The following MGMT variants were observed in gnomAD, a reference collection of about 807,000 sequenced individuals.
MGMT encodes methylated-DNA--protein-cysteine methyltransferase.
In MGMT, 14 loss-of-function variants were observed where a neutral mutation model predicts 15.9. That is an observed-to-expected ratio of 0.88 (90% CI 0.58 to 1.37). MGMT has a LOEUF of 1.37. Ranked by LOEUF, MGMT falls within the 40% of genes most tolerant of loss-of-function variation. The pLI, the probability that MGMT is intolerant of heterozygous loss-of-function variation, is 0.00. For synonymous variants in MGMT, 130 were observed against 118.2 expected, an observed-to-expected ratio of 1.10 and a Z score of -0.65; for missense variants, 282 against 268.1, an observed-to-expected ratio of 1.05 and a Z score of -0.36.
At chr10:129,644,560 C>T (rs763173011) in intron 2 of MGMT, among the ~76,000 whole-genome samples, 2 of 152,198 alleles carry the variant, frequency 1.3e-5, no homozygotes, top group Non-Finnish European at 2.9e-5. Context: ...GGGTTCCCCC[C>T]CTGAGGCCTG....
chr10:129,666,349 A>G (rs78149362), intron 2 of MGMT, among the ~76,000 whole-genome samples: 2,233 of 152,248 alleles, frequency 0.015, 54 homozygotes, highest in African/African-American at 0.048. Context: ...TGGGATCACA[A>G]TGAATTTCTG....
chr10:129,740,009 C>T (rs903494863), intron 3 of MGMT, among the ~76,000 whole-genome samples: 7 of 152,236 alleles, frequency 4.6e-5, no homozygotes, highest in African/African-American at 1.7e-4. Flanking sequence ...CTCAGAGGCA[C>T]TTCCTTCCAC....
chr10:129,612,903 C>CT (rs1846978610), intron 2 of MGMT, among the ~76,000 whole-genome samples: 1 of 152,212 alleles, frequency 6.6e-6, no homozygotes, highest in Admixed American at 6.5e-5. Flanking sequence ...AGCAGTGAGA[C>CT]TCTGTCCCCA....
intron 2 of MGMT, among the ~76,000 whole-genome samples, chr10:129,616,288 G>A (rs1427568922): frequency 6.6e-6 from 1 of 152,196 alleles, no homozygotes; most frequent in Non-Finnish European, 1.5e-5. Flanking sequence ...GGGGAGCTGC[G>A]ATGCTCATCG....
intron 1 of MGMT, among the ~76,000 whole-genome samples, chr10:129,479,965 T>G (rs1845339328): frequency 6.6e-6 from 1 of 152,212 alleles, no homozygotes; most frequent in Non-Finnish European, 1.5e-5. Flanking sequence ...TTTAAAATAT[T>G]GATTCATTTA....
chr10:129,692,131 A>G (rs1292151097), intron 2 of MGMT, among the ~76,000 whole-genome samples: 4 of 152,156 alleles, frequency 2.6e-5, no homozygotes, highest in African/African-American at 4.8e-5. Context: ...CCACCCAAAT[A>G]TATGGTCTGA....
chr10:129,611,028 C>G (rs1331674899), intron 2 of MGMT, among the ~76,000 whole-genome samples: 1 of 152,186 alleles, frequency 6.6e-6, no homozygotes, highest in Non-Finnish European at 1.5e-5. Context: ...TTTGGTATTT[C>G]AGCCTTTATG....
At chr10:129,714,431 A>G (rs1049913228) in intron 3 of MGMT, among the ~76,000 whole-genome samples, 1 of 152,226 alleles carries the variant, frequency 6.6e-6, no homozygotes, top group African/African-American at 2.4e-5. Flanking sequence ...AGTTTCAACA[A>G]TGATTCATTC....
chr10:129,762,926 G>GT (rs1848891800), intron 4 of MGMT, among the ~76,000 whole-genome samples: 1 of 152,110 alleles, frequency 6.6e-6, no homozygotes, highest in Non-Finnish European at 1.5e-5. Flanking sequence ...CAGGATTTAG[G>GT]TATTGATGAG....
intron 2 of MGMT, among the ~76,000 whole-genome samples, chr10:129,629,474 T>C (rs1287434661): frequency 6.6e-6 from 1 of 152,166 alleles, no homozygotes; most frequent in Non-Finnish European, 1.5e-5. Flanking sequence ...GACATTTGAA[T>C]TTTCCCTCAA....
At chr10:129,607,863 A>G (rs1846910484) in intron 2 of MGMT, among the ~76,000 whole-genome samples, 1 of 152,210 alleles carries the variant, frequency 6.6e-6, no homozygotes, top group South Asian at 2.1e-4. Context: ...AGTTTAATTT[A>G]CTGTTGCCAG....
intron 2 of MGMT, among the ~76,000 whole-genome samples, chr10:129,657,518 A>G (rs1847538252): frequency 6.6e-6 from 1 of 151,886 alleles, no homozygotes. Context: ...GGTAAAATAC[A>G]GTTCAAAGTC....
At chr10:129,614,839 A>T (rs1847004489) in intron 2 of MGMT, among the ~76,000 whole-genome samples, 1 of 152,146 alleles carries the variant, frequency 6.6e-6, no homozygotes, top group Non-Finnish European at 1.5e-5. Flanking sequence ...TATGTTGTTC[A>T]TTTCAGGCCC....
chr10:129,725,044 G>A (rs1176522902), intron 3 of MGMT, among the ~76,000 whole-genome samples: 4 of 152,230 alleles, frequency 2.6e-5, no homozygotes, highest in Admixed American at 2.0e-4. Flanking sequence ...AGGATCGGGT[G>A]GATACACTGA....
chr10:129,616,173 C>T (rs1054966441), intron 2 of MGMT, among the ~76,000 whole-genome samples: 15 of 152,172 alleles, frequency 9.9e-5, no homozygotes, highest in Admixed American at 9.2e-4. Context: ...GCAGAGGGAG[C>T]GGCGATTGGA....
chr10:129,505,893 C>G (rs1169886693), intron 1 of MGMT, among the ~76,000 whole-genome samples: 2 of 152,010 alleles, frequency 1.3e-5, no homozygotes, highest in Admixed American at 1.3e-4. Context: ...TGTGCTTGTC[C>G]CTGGGGTAGT....
At chr10:129,552,879 G>C (rs1395812786) in intron 2 of MGMT, among the ~76,000 whole-genome samples, 9 of 152,132 alleles carry the variant, frequency 5.9e-5, no homozygotes, top group African/African-American at 2.2e-4. Context: ...TTTTTTCCTG[G>C]CTTTTTCATT....
chr10:129,500,607 G>A (rs183987561), intron 1 of MGMT, among the ~76,000 whole-genome samples: 2 of 152,008 alleles, frequency 1.3e-5, no homozygotes, highest in Non-Finnish European at 2.9e-5. Context: ...TGTTGCCCAG[G>A]TGCAGTGGTG....
chr10:129,755,910 C>G (rs769426981), intron 3 of MGMT, among the ~76,000 whole-genome samples: 10 of 152,204 alleles, frequency 6.6e-5, no homozygotes, highest in Non-Finnish European at 1.3e-4. Context: ...CTGCCGTGCT[C>G]TGGTGTGTGT....
Sources: gnomAD v4.1 joint callset for allele counts (sites outside exome capture counted in the v4.1 genomes callset) on GRCh38, gnomAD v4.1.1 for gene constraint, MANE v1.5 for transcripts, NCBI Gene and HGNC (gene_info 2026-07-23, HGNC 2026-07-21) for gene names.